The following CALML3 variants were observed in gnomAD, a reference collection of about 807,000 sequenced individuals.
The protein encoded by CALML3 is calmodulin like 3, also known as calmodulin-like protein 3.
For synonymous variants in CALML3, 98 were observed against 89.9 expected (o/e 1.09, Z -0.51); for missense variants, 198 against 214.1 (o/e 0.92, Z 0.47).
chr10:5,525,715 G>A lies in CALML3; in HGVS notation c.*180G>A. ...CGCGTCTCTTCTCTGCACTCCTGCCGACCTTCCCACCTGCTCGTCTGAATG... is the reference window on the plus strand; with the variant it reads ...CGCGTCTCTTCTCTGCACTCCTGCCAACCTTCCCACCTGCTCGTCTGAATG... On this transcript the variant is annotated 3_prime_UTR_variant, in exon 1 of 1. Coordinates refer to ENST00000315238, the MANE Select transcript of CALML3 (RefSeq NM_005185.4). 1.4e-6 allele frequency: 2 copies of A among 1,446,420 alleles called. No homozygotes were observed. Among genetic ancestry groups the A allele is most frequent in the African/African-American group, 1.4e-5 (1 of 69,642 alleles). 89.6% of individuals were successfully genotyped at this position (1,446,420 alleles called of 1,614,324 possible).
In CALML3 at chr10:5,525,020, G is replaced by A. The variant is rs1833561000; in HGVS notation, c.-66G>A. 4.8e-6 allele frequency: 6 copies of A among 1,246,244 alleles called. No homozygotes were observed. Among genetic ancestry groups the A allele is most frequent in the South Asian group, 2.8e-5 (2 of 72,390 alleles). The allele number at this position is 1,246,244 out of a possible 1,614,324, so 77.2% of individuals were successfully genotyped here. A position where few individuals can be genotyped will look rare whatever the true frequency, so the allele number is the denominator to read the frequency against. On this transcript the variant is annotated 5_prime_UTR_variant, in exon 1 of 1. Coordinates refer to ENST00000315238, the MANE Select transcript of CALML3 (RefSeq NM_005185.4). ...CCACCCCAGAGCTGGGACAGCAGCC[G>A]GGCTGCGGCACTGGGAGGGAGACCC...
In CALML3 at chr10:5,525,500, T is replaced by C; in HGVS notation, c.415T>C (p.Tyr139His). 6.2e-7 allele frequency: 1 copy of C among 1,608,588 alleles called. No homozygotes were observed. The highest frequency in any genetic ancestry group is 8.5e-7 in the Non-Finnish European group (1 of 1,176,030). Residue 139 changes from tyrosine (Y) to histidine (H), a missense_variant, in exon 1 of 1, where the codon TAC (tyrosine) becomes CAC (histidine). Transcript: ENST00000315238. The part of the protein sequence containing the change: ...ADTDGDGQVN[Y>H]EEFVRVLVSK ...CACGGACGGAGACGGACAGGTGAAC[T>C]ACGAGGAGTTTGTCCGTGTGCTGGT...
Position 5,525,276 on chromosome 10 carries a change from T to C in CALML3, c.191T>C (p.Val64Ala). The C allele has an allele frequency of 6.2e-7, 1 of 1,613,848 alleles. No individual in the cohort carries two copies. ...SEIDRDGNGTVDFPEFLGMMA... is the reference protein window; with the variant it reads ...SEIDRDGNGTADFPEFLGMMA... ...ATCGACCGGGACGGCAACGGCACCG[T>C]GGACTTCCCCGAGTTCCTGGGCATG... is the stretch of plus-strand genomic sequence containing the variant. The change falls in exon 1 of 1, where the codon GTG becomes GCG. Residue 64 changes from valine (V) to alanine (A), a missense_variant. By Grantham distance (64) the Val-to-Ala change is moderately conservative. Coordinates refer to ENST00000315238, the MANE Select transcript of CALML3 (RefSeq NM_005185.4).
Position 5,525,332 on chromosome 10 carries a change from G to A in CALML3, c.247G>A (p.Glu83Lys), listed in dbSNP as rs1234491898. Residue 83 changes from glutamate to lysine, a missense_variant, in exon 1 of 1, where the codon GAG becomes AAG. Glu to Lys is a moderately conservative substitution (Grantham distance 56). Transcript: ENST00000315238. ...CAGGAAGATGAAGGACACGGACAAC[G>A]AGGAGGAGATCCGCGAGGCCTTCCG... ...MARKMKDTDN[E>K]EEIREAFRVF... 8 of 1,613,810 alleles carry A rather than the reference G, an allele frequency of 5.0e-6. No individual in the cohort carries two copies. The highest frequency in any genetic ancestry group is 3.3e-5 in the South Asian group (3 of 91,082).
Position 5,525,516 on chromosome 10 carries a change from G to C in CALML3, c.431G>C (p.Arg144Pro), listed in dbSNP as rs761398925. The change falls in exon 1 of 1, where the codon CGT (arginine) becomes CCT (proline). Residue 144 changes from arginine to proline, a missense_variant. Physicochemically the swap from Arg to Pro is moderately radical, Grantham distance 103. Coordinates refer to ENST00000315238, the MANE Select transcript of CALML3 (RefSeq NM_005185.4). ...CAGGTGAACTACGAGGAGTTTGTCC[G>C]TGTGCTGGTGTCCAAGTGAGGCCGG... ...DGQVNYEEFV[R>P]VLVSK The C allele has an allele frequency of 2.5e-6, 4 of 1,599,704 alleles. No individual in the cohort carries two copies. The highest frequency in any genetic ancestry group is 3.4e-6 in the Non-Finnish European group (4 of 1,170,228).
Position 5,524,994 on chromosome 10 carries a change from G to GCC in CALML3, c.-91_-90dup, listed in dbSNP as rs2131387635. 1 of 966,382 alleles carries GCC rather than the reference G, an allele frequency of 1.0e-6. No individual in the cohort carries two copies. The highest frequency in any genetic ancestry group is 2.6e-5 in the East Asian group (1 of 39,094). The allele number at this position is 966,382 out of a possible 1,614,324, so 59.9% of individuals were successfully genotyped here. On this transcript the variant is annotated 5_prime_UTR_variant, in exon 1 of 1. Coordinates refer to ENST00000315238, the MANE Select transcript of CALML3 (RefSeq NM_005185.4). ...CCGCCGGCCGCCCGGATCTCCACCT[G>GCC]CCACCCCAGAGCTGGGACAGCAGCC...
chr10:5,525,010 G>C lies in CALML3; in HGVS notation c.-76G>C. ...TCTCCACCTGCCACCCCAGAGCTGG[G>C]ACAGCAGCCGGGCTGCGGCACTGGG... On this transcript the variant is annotated 5_prime_UTR_variant, in exon 1 of 1. Transcript: ENST00000315238. The C allele has an allele frequency of 8.6e-7, 1 of 1,158,056 alleles. No individual in the cohort carries two copies. The highest frequency in any genetic ancestry group is 1.4e-5 in the South Asian group (1 of 69,190). The allele number at this position is 1,158,056 out of a possible 1,614,324, so 71.7% of individuals were successfully genotyped here.
chr10:5,525,259 G>A lies in CALML3; in HGVS notation c.174G>A (p.Arg58=). 4 of 1,613,982 alleles carry A rather than the reference G, an allele frequency of 2.5e-6. No homozygotes were observed. Among genetic ancestry groups the A allele is most frequent in the Middle Eastern group, 1.6e-4 (1 of 6,062 alleles). ...ELRDMMSEID[R]DGNGTVDFPE... ...GGGACATGATGAGTGAGATCGACCG[G>A]GACGGCAACGGCACCGTGGACTTCC... The change falls in exon 1 of 1, where the codon CGG becomes CGA. Residue 58 remains arginine, a synonymous_variant. Coordinates refer to ENST00000315238, the MANE Select transcript of CALML3 (RefSeq NM_005185.4).
rs1279109892 is a variant in CALML3 at position 5,525,697 on chromosome 10, C to T, written c.*162C>T. ...TCTCTGCATCCCGCTTCCCGCGTCT[C>T]TTCTCTGCACTCCTGCCGACCTTCC... On this transcript the variant is annotated 3_prime_UTR_variant, in exon 1 of 1. Coordinates refer to ENST00000315238, the MANE Select transcript of CALML3 (RefSeq NM_005185.4). 1 of 1,447,572 alleles carries T rather than the reference C, an allele frequency of 6.9e-7. No homozygotes were observed. 89.7% of individuals were successfully genotyped at this position (1,447,572 alleles called of 1,614,324 possible). A position where few individuals can be genotyped will look rare whatever the true frequency, so the allele number is the denominator to read the frequency against.
rs35269869 is a variant in CALML3, at chr10:5,525,469, C to T, written c.384C>T (p.Ala128=). ...AGGAGGTGGACGAGATGATCCGGGC[C>T]GCGGACACGGACGGAGACGGACAGG... ...SDEEVDEMIR[A]ADTDGDGQVN... Residue 128 remains alanine (A), a synonymous_variant, in exon 1 of 1, where the codon GCC becomes GCT. Transcript: ENST00000315238. 19 of 1,613,816 alleles carry T rather than the reference C, an allele frequency of 1.2e-5. No individual in the cohort carries two copies. Among genetic ancestry groups the T allele is most frequent in the Non-Finnish European group, 1.6e-5 (19 of 1,179,888 alleles).
In CALML3 at chr10:5,525,590, G is replaced by A. The variant is rs1261556882; in HGVS notation, c.*55G>A. ...CACGCGGCCCACAGGGCAAGAACCCGGGGCCTCCCGCCTCCTCCCCCATCC... is the reference window on the plus strand; with the variant it reads ...CACGCGGCCCACAGGGCAAGAACCCAGGGCCTCCCGCCTCCTCCCCCATCC... On this transcript the variant is annotated 3_prime_UTR_variant, in exon 1 of 1. Transcript: ENST00000315238. 2.7e-6 allele frequency: 4 copies of A among 1,493,148 alleles called. No individual in the cohort carries two copies. The highest frequency in any genetic ancestry group is 2.1e-4 in the Middle Eastern group (1 of 4,746). 92.5% of individuals were successfully genotyped at this position (1,493,148 alleles called of 1,614,324 possible).
At position 5,525,791 on chromosome 10, in the gene CALML3, A is replaced by G. The variant is rs1445148834; in HGVS notation, c.*256A>G. The G allele has an allele frequency of 7.2e-7, 1 of 1,397,140 alleles. No individual in the cohort carries two copies. Among genetic ancestry groups the G allele is most frequent in the African/African-American group, 1.5e-5 (1 of 68,750 alleles). The allele number at this position is 1,397,140 out of a possible 1,614,324, so 86.5% of individuals were successfully genotyped here. A position where few individuals can be genotyped will look rare whatever the true frequency, so the allele number is the denominator to read the frequency against. ...AACCGTGACGCCCTCCCCACTCGGG[A>G]GAAGCAGAGCTGACCTTAGGACCGA... On this transcript the variant is annotated 3_prime_UTR_variant, in exon 1 of 1. Coordinates refer to ENST00000315238, the MANE Select transcript of CALML3 (RefSeq NM_005185.4).
At position 5,525,208 on chromosome 10, in the gene CALML3, C is replaced by A. The variant is rs1159188733; in HGVS notation, c.123C>A (p.Gly41=). The change falls in exon 1 of 1, where the codon GGC becomes GGA. Residue 41 remains glycine (G), a synonymous_variant. Coordinates refer to ENST00000315238, the MANE Select transcript of CALML3 (RefSeq NM_005185.4). ...RELGTVMRSL[G]QNPTEAELRD... The stretch of plus-strand genomic sequence containing the variant: ...TGGGCACGGTCATGCGGTCCCTGGG[C>A]CAGAACCCCACGGAGGCCGAGCTGC... 2 of 1,613,834 alleles carry A rather than the reference C, an allele frequency of 1.2e-6. No homozygotes were observed. Among genetic ancestry groups the A allele is most frequent in the African/African-American group, 2.7e-5 (2 of 74,916 alleles).
Position 5,525,566 on chromosome 10 carries a change from AC to A in CALML3, c.*32del. ...GCGCCCACCATGCTCCTGGGCGCCC[AC>A]GCGGCCCACAGGGCAAGAACCCGGG... On this transcript the variant is annotated 3_prime_UTR_variant, in exon 1 of 1. Coordinates refer to ENST00000315238, the MANE Select transcript of CALML3 (RefSeq NM_005185.4). 5 of 1,541,980 alleles carry A rather than the reference AC, an allele frequency of 3.2e-6. No homozygotes were observed. Among genetic ancestry groups the A allele is most frequent in the Non-Finnish European group, 4.4e-6 (5 of 1,141,374 alleles).
At position 5,525,670 on chromosome 10, in the gene CALML3, C is replaced by T. The variant is rs756267411; in HGVS notation, c.*135C>T. 36 of 1,451,098 alleles carry T rather than the reference C, an allele frequency of 2.5e-5. No homozygotes were observed. Among genetic ancestry groups the T allele is most frequent in the Non-Finnish European group, 3.1e-5 (34 of 1,100,982 alleles). 89.9% of individuals were successfully genotyped at this position (1,451,098 alleles called of 1,614,324 possible). ...TCCTGCGCCTGGTTGATTCAGCCCA[C>T]CTCTCTGCATCCCGCTTCCCGCGTC... is the stretch of plus-strand genomic sequence containing the variant. On this transcript the variant is annotated 3_prime_UTR_variant, in exon 1 of 1. Transcript: ENST00000315238.
chr10:5,525,547 A>T lies in CALML3; in HGVS notation c.*12A>T. The T allele has an allele frequency of 1.9e-6, 3 of 1,571,742 alleles. No homozygotes were observed. The highest frequency in any genetic ancestry group is 2.6e-6 in the Non-Finnish European group (3 of 1,155,618). On this transcript the variant is annotated 3_prime_UTR_variant, in exon 1 of 1. Transcript: ENST00000315238. The stretch of plus-strand genomic sequence containing the variant: ...TGGTGTCCAAGTGAGGCCGGCGCCC[A>T]CCATGCTCCTGGGCGCCCACGCGGC...
chr10:5,525,720 T>A lies in CALML3; in HGVS notation c.*185T>A. ...CTCTTCTCTGCACTCCTGCCGACCT[T>A]CCCACCTGCTCGTCTGAATGACACG... On this transcript the variant is annotated 3_prime_UTR_variant, in exon 1 of 1. Transcript: ENST00000315238. 1 of 1,445,430 alleles carries A rather than the reference T, an allele frequency of 6.9e-7. No individual in the cohort carries two copies. Among genetic ancestry groups the A allele is most frequent in the Admixed American group, 2.9e-5 (1 of 34,774 alleles). The allele number at this position is 1,445,430 out of a possible 1,614,324, so 89.5% of individuals were successfully genotyped here.
rs565473921 is a variant in CALML3, at chr10:5,525,959, G to A, written c.*424G>A. 8.3e-4 allele frequency: 181 copies of A among 218,416 alleles called. No homozygotes were observed. Among genetic ancestry groups the A allele is most frequent in the Non-Finnish European group, 1.3e-3 (138 of 106,126 alleles). The allele number at this position is 218,416 out of a possible 1,614,324, so 13.5% of individuals were successfully genotyped here. ...GCCCTCAGCCCCCGCCAGGATTCCC[G>A]CAGGCTCCTGGACTGGAAGCTCCCT... On this transcript the variant is annotated 3_prime_UTR_variant, in exon 1 of 1. Transcript: ENST00000315238.
rs200604392 is a variant in CALML3, at chr10:5,525,351, C to G, written c.266C>G (p.Ala89Gly). Reference protein sequence around the residue: ...DTDNEEEIREAFRVFDKDGNG... With the variant: ...DTDNEEEIREGFRVFDKDGNG... ...GACAACGAGGAGGAGATCCGCGAGG[C>G]CTTCCGCGTGTTCGACAAGGACGGC... Residue 89 changes from alanine to glycine, a missense_variant, in exon 1 of 1, where the codon GCC becomes GGC. Physicochemically the swap from Ala to Gly is moderately conservative, Grantham distance 60. Coordinates refer to ENST00000315238, the MANE Select transcript of CALML3 (RefSeq NM_005185.4). 6.2e-7 allele frequency: 1 copy of G among 1,613,856 alleles called. No homozygotes were observed. The highest frequency in any genetic ancestry group is 8.5e-7 in the Non-Finnish European group (1 of 1,179,970).
Sources: gnomAD v4.1 joint callset for allele counts on GRCh38, gnomAD v4.1.1 for gene constraint, MANE v1.5 for transcripts, NCBI Gene and HGNC (gene_info 2026-07-23, HGNC 2026-07-21) for gene names.